RORA: variants seen among roughly 807,000 people sequenced by gnomAD.
The protein encoded by RORA is nuclear receptor ROR-alpha.
RORA carries 7 observed loss-of-function variants against 69.5 expected under a neutral mutation model. The ratio of observed to expected loss-of-function variants is 0.10; its 90% CI spans 0.06 to 0.19. The LOEUF (loss-of-function observed/expected upper bound fraction) is 0.19. Ranked by LOEUF, RORA falls within the 10% of genes least tolerant of loss-of-function variation. The pLI is 1.00. For synonymous variants in RORA, 261 were observed against 240.8 expected, an observed-to-expected ratio of 1.08 and a Z score of -0.78; for missense variants, 457 against 663.0, an observed-to-expected ratio of 0.69 and a Z score of 3.41.
At position 60,583,098 on chromosome 15, in the gene RORA, T is replaced by C. The variant is rs911392205; in HGVS notation, c.197-51247A>G. 2.6e-5 allele frequency among the ~76,000 whole-genome samples: 4 copies of C among 152,170 alleles called. No homozygotes were observed. In the East Asian group the frequency reaches 7.7e-4, roughly 29 times the overall value. ...ATGAGATAGATACTACACCAGCATT[T>C]TCAAAAGAAAAAGGGGGCTGGTGTC... On this transcript the variant is annotated intron_variant, in intron 2 of 10. Coordinates refer to ENST00000335670, the MANE Select transcript of RORA (RefSeq NM_134261.3).
chr15:60,697,084 G>T (rs2070916520), intron 1 of RORA, among the ~76,000 whole-genome samples: 2 of 152,194 alleles, frequency 1.3e-5, no homozygotes, highest in African/African-American at 2.4e-5. Flanking sequence ...AAAAATGCGG[G>T]CCTGGTTTCT....
chr15:60,892,322 A>G (rs1595797207), intron 1 of RORA, among the ~76,000 whole-genome samples: 1 of 152,270 alleles, frequency 6.6e-6, no homozygotes, highest in Non-Finnish European at 1.5e-5. Context: ...ATTCTAAATC[A>G]GGAATATTGA....
At chr15:61,115,969 T>C (rs1320613479) in intron 1 of RORA, among the ~76,000 whole-genome samples, 1 of 152,094 alleles carries the variant, frequency 6.6e-6, no homozygotes, top group South Asian at 2.1e-4. Context: ...ATGAATTGGA[T>C]AGGTGACTCA....
chr15:60,937,700 G>C (rs908675609), intron 1 of RORA, among the ~76,000 whole-genome samples: 1 of 152,200 alleles, frequency 6.6e-6, no homozygotes, highest in South Asian at 2.1e-4. Flanking sequence ...AGAACACCTG[G>C]TTCACGTTTC....
chr15:60,912,117 C>T (rs568150939), intron 1 of RORA, among the ~76,000 whole-genome samples: 1 of 152,186 alleles, frequency 6.6e-6, no homozygotes, highest in African/African-American at 2.4e-5. Flanking sequence ...GCCTGTTAAA[C>T]TCTCTGAACC....
At chr15:60,947,685 C>A (rs1200067506) in intron 1 of RORA, among the ~76,000 whole-genome samples, 29 of 6,784 alleles carry the variant, frequency 4.3e-3, no homozygotes, top group Non-Finnish European at 4.9e-3. Flanking sequence ...CAAGAATGAT[C>A]AATAAAAAAA....
chr15:60,685,567 C>T (rs769058628), intron 1 of RORA, among the ~76,000 whole-genome samples: 4 of 152,114 alleles, frequency 2.6e-5, no homozygotes, highest in African/African-American at 7.2e-5. Context: ...GAACACAGCC[C>T]GAGTAGGGCC....
At chr15:60,578,061 C>G (rs1408981287) in intron 2 of RORA, among the ~76,000 whole-genome samples, 1 of 152,192 alleles carries the variant, frequency 6.6e-6, no homozygotes, top group Non-Finnish European at 1.5e-5. Flanking sequence ...TGGTACTACA[C>G]TAAAACTCAA....
Position 61,128,722 on chromosome 15 carries a change from T to G in RORA, c.166+100331A>C, listed in dbSNP as rs569587857. 6.6e-6 allele frequency among the ~76,000 whole-genome samples: 1 copy of G among 152,296 alleles called. No homozygotes were observed. Among genetic ancestry groups the G allele is most frequent in the Admixed American group, 6.5e-5 (1 of 15,296 alleles). On this transcript the variant is annotated intron_variant, in intron 1 of 10. Coordinates refer to ENST00000335670, the MANE Select transcript of RORA (RefSeq NM_134261.3). The surrounding 1 kb of genome is among the most constrained non-coding windows in gnomAD (Gnocchi z 4.5). ...AGGGAAGGGGAAATAACTCCTGAAT[T>G]TCCTCCAGGGGAGTAAAAGCAGATC...
intron 1 of RORA, among the ~76,000 whole-genome samples, chr15:61,036,156 G>A: frequency 6.6e-6 from 1 of 152,184 alleles, no homozygotes; most frequent in East Asian, 1.9e-4. Context: ...TTCTGGTGGG[G>A]AGCCTCTCCT....
At chr15:60,831,069 G>C (rs558147228) in intron 1 of RORA, among the ~76,000 whole-genome samples, 1 of 152,242 alleles carries the variant, frequency 6.6e-6, no homozygotes, top group African/African-American at 2.4e-5. Context: ...GATAGTGAAA[G>C]AGAAGCAGAT....
At chr15:60,651,201 T>A (rs2070138333) in intron 2 of RORA, among the ~76,000 whole-genome samples, 1 of 152,180 alleles carries the variant, frequency 6.6e-6, no homozygotes, top group South Asian at 2.1e-4. Flanking sequence ...ATGGAAGTTT[T>A]CTCTTAAACG....
At chr15:60,890,344 C>T (rs1470903418) in intron 1 of RORA, among the ~76,000 whole-genome samples, 1 of 152,216 alleles carries the variant, frequency 6.6e-6, no homozygotes, top group Non-Finnish European at 1.5e-5. Context: ...CTACAGACCA[C>T]ACCAACTCCC....
chr15:60,796,227 C>T (rs1023195368), intron 1 of RORA, among the ~76,000 whole-genome samples: 1 of 152,092 alleles, frequency 6.6e-6, no homozygotes, highest in Non-Finnish European at 1.5e-5. Flanking sequence ...TGCTGGGAGA[C>T]ACAGAATGTA....
At chr15:61,114,307 C>T (rs1216563255) in intron 1 of RORA, among the ~76,000 whole-genome samples, 1 of 152,118 alleles carries the variant, frequency 6.6e-6, no homozygotes, top group Admixed American at 6.5e-5. Context: ...AGCTAGCAGG[C>T]ACTTCCAAAC....
chr15:60,929,022 C>T (rs541873868), intron 1 of RORA, among the ~76,000 whole-genome samples: 2 of 152,044 alleles, frequency 1.3e-5, no homozygotes, highest in South Asian at 2.1e-4. Flanking sequence ...ACTTGTGTGC[C>T]CCGCTCCCAC....
At chr15:61,219,721 C>T (rs763765259) in intron 1 of RORA, among the ~76,000 whole-genome samples, 2 of 152,172 alleles carry the variant, frequency 1.3e-5, no homozygotes, top group East Asian at 1.9e-4. Context: ...ATCTCGAACA[C>T]GTTACCTTTG....
chr15:60,696,311 C>A (rs77542575), intron 1 of RORA, among the ~76,000 whole-genome samples: 1,667 of 152,140 alleles, frequency 0.011, 26 homozygotes, highest in African/African-American at 0.031. Flanking sequence ...TCCCAGCTGG[C>A]CCCTCCTGCC....
At chr15:60,700,428 T>A (rs1686771688) in intron 1 of RORA, among the ~76,000 whole-genome samples, 2 of 152,158 alleles carry the variant, frequency 1.3e-5, no homozygotes, top group Admixed American at 1.3e-4. Flanking sequence ...TGATGATGCT[T>A]AAGGGAAATC....
Sources: gnomAD v4.1 joint callset for allele counts (sites outside exome capture counted in the v4.1 genomes callset) on GRCh38, gnomAD v4.1.1 for gene constraint, Gnocchi (gnomAD v3.1) non-coding constraint, MANE v1.5 for transcripts, NCBI Gene and HGNC (gene_info 2026-07-23, HGNC 2026-07-21) for gene names.